The following CRB1 variants were observed in gnomAD, a reference collection of about 807,000 sequenced individuals.
The protein encoded by CRB1 is crumbs cell polarity complex component 1.
In CRB1, 83 loss-of-function variants were observed where a neutral mutation model predicts 120.0. The ratio of observed to expected loss-of-function variants is 0.69; its 90% CI spans 0.58 to 0.83. The LOEUF (loss-of-function observed/expected upper bound fraction) is 0.83, where lower values mean the gene tolerates loss of function less well. Among genes scored for constraint, CRB1 ranks in the 40% least tolerant of loss-of-function variants. The pLI, the probability that CRB1 is intolerant of heterozygous loss-of-function variation, is 0.00. For missense variants in CRB1, 1,699 were observed against 1,687.6 expected (o/e 1.01, Z -0.12); for synonymous variants, 625 against 612.5 (o/e 1.02, Z -0.30).
At position 197,421,433 on chromosome 1, in the gene CRB1, G is replaced by T; in HGVS notation, c.1605G>T (p.Leu535=). ...GCAACAGGGATGTGTTTGTGAAGCT[G>T]GAGCTGCTAAGTGGCTACATTCACT... ...FRSNRDVFVK[L]ELLSGYIHLS... Residue 535 remains leucine (L), a synonymous_variant, in exon 6 of 12, where the codon CTG becomes CTT. Transcript: ENST00000367400. 6.2e-7 allele frequency: 1 copy of T among 1,614,202 alleles called. No individual in the cohort carries two copies. Among genetic ancestry groups the T allele is most frequent in the Non-Finnish European group, 8.5e-7 (1 of 1,180,042 alleles).
intron 6 of CRB1, among the ~76,000 whole-genome samples, chr1:197,424,526 C>T (rs1000555728): frequency 3.3e-5 from 5 of 152,086 alleles, no homozygotes; most frequent in Non-Finnish European, 7.4e-5. Context: ...ATATTTGCTT[C>T]TTTGTATTCC....
the CRB1 span, among the ~76,000 whole-genome samples, chr1:197,211,988 A>G: frequency 3.9e-5 from 6 of 152,218 alleles, no homozygotes; most frequent in East Asian, 7.7e-4. Context: ...TTAAGTAGAT[A>G]CTTCATGAAA....
rs1483720476 is a variant in CRB1 at position 197,347,438 on chromosome 1, G to A, written c.947G>A (p.Cys316Tyr). 2 of 1,614,058 alleles carry A rather than the reference G, an allele frequency of 1.2e-6. No homozygotes were observed. The highest frequency in any genetic ancestry group is 8.5e-7 in the Non-Finnish European group (1 of 1,180,032). Residue 316 changes from cysteine to tyrosine, a missense_variant, in exon 4 of 12, where the codon TGT becomes TAT. Physicochemically the swap from Cys to Tyr is radical, Grantham distance 194. Coordinates refer to ENST00000367400, the MANE Select transcript of CRB1 (RefSeq NM_201253.3). ...WSKPCHNNAT[C>Y]EDSVDNYTCH... Reference sequence around the variant, plus strand: ...AAACCTTGTCACAATAATGCTACATGTGAGGACAGTGTTGACAATTACACT... The same window carrying A: ...AAACCTTGTCACAATAATGCTACATATGAGGACAGTGTTGACAATTACACT...
chr1:197,389,751 T>C (rs932730400), intron 5 of CRB1, among the ~76,000 whole-genome samples: 1 of 152,130 alleles, frequency 6.6e-6, no homozygotes. Context: ...AGTTCATCAA[T>C]AGTTGTTTAA....
At chr1:197,465,233 A>G (rs954957791) in intron 11 of CRB1, among the ~76,000 whole-genome samples, 6 of 152,176 alleles carry the variant, frequency 3.9e-5, no homozygotes, top group African/African-American at 1.4e-4. Flanking sequence ...TTTTAAACTA[A>G]TAGGAAAATG....
chr1:197,439,147 T>A (rs1275656889), intron 10 of CRB1: 3 of 167,622 alleles, frequency 1.8e-5, no homozygotes, highest in African/African-American at 7.2e-5. Context: ...ATTCTTAAAA[T>A]GGAGTTGGTC....
chr1:197,409,406 A>G (rs956249091), intron 5 of CRB1, among the ~76,000 whole-genome samples: 1 of 152,012 alleles, frequency 6.6e-6, no homozygotes, highest in Non-Finnish European at 1.5e-5. Flanking sequence ...TATATTACAC[A>G]TTTTCTTGCA....
chr1:197,468,130 A>G (rs1369674718), intron 11 of CRB1, among the ~76,000 whole-genome samples: 2 of 152,164 alleles, frequency 1.3e-5, no homozygotes, highest in Non-Finnish European at 2.9e-5. Context: ...CAATTGGATC[A>G]TGGTGATTCC....
intron 5 of CRB1, among the ~76,000 whole-genome samples, chr1:197,396,823 A>G (rs1402560001): frequency 6.6e-6 from 1 of 152,194 alleles, no homozygotes; most frequent in Non-Finnish European, 1.5e-5. Context: ...TAACTCCATT[A>G]AAACTCAGAT....
chr1:197,277,319 T>C (rs1486742664), intron 1 of CRB1, among the ~76,000 whole-genome samples: 2 of 151,990 alleles, frequency 1.3e-5, no homozygotes, highest in African/African-American at 4.8e-5. Context: ...TGGATGACTC[T>C]TTTCTCTACA....
intron 8 of CRB1, 125 bp downstream of exon 8, chr1:197,429,739 C>T: frequency 9.7e-7 from 1 of 1,028,768 alleles, no homozygotes; most frequent in Non-Finnish European, 1.4e-6. Context: ...GTTGTTTCCC[C>T]TATGCGAGTA....
chr1:197,434,729 G>A lies in CRB1; in HGVS notation c.2866G>A (p.Gly956Arg), dbSNP rs867256644. ...AGGTATTGCAAATGCTGTTTTTAATGGACAAAGCGGTCAAATATTATTCAG... is the reference window on the plus strand; with the variant it reads ...AGGTATTGCAAATGCTGTTTTTAATAGACAAAGCGGTCAAATATTATTCAG... ...FECIANAVFN[G>R]QSGQILFRSN... Residue 956 changes from glycine to arginine, a missense_variant, in exon 9 of 12, where the codon GGA (glycine) becomes AGA (arginine). Transcript: ENST00000367400. 2.5e-6 allele frequency: 4 copies of A among 1,613,138 alleles called. No individual in the cohort carries two copies. The highest frequency in any genetic ancestry group is 2.7e-5 in the African/African-American group (2 of 74,830).
At chr1:197,404,996 C>T (rs1663268179) in intron 5 of CRB1, among the ~76,000 whole-genome samples, 1 of 152,118 alleles carries the variant, frequency 6.6e-6, no homozygotes, top group South Asian at 2.1e-4. Context: ...GAGCTGCACA[C>T]CATACCTACG....
At chr1:197,247,648 A>C in the CRB1 span, among the ~76,000 whole-genome samples, 1 of 152,062 alleles carries the variant, frequency 6.6e-6, no homozygotes, top group Non-Finnish European at 1.5e-5. Context: ...CCCTGGTGGT[A>C]TCAACCACAG....
chr1:197,320,711 G>A (rs928739409), intron 1 of CRB1, among the ~76,000 whole-genome samples: 5 of 152,130 alleles, frequency 3.3e-5, no homozygotes, highest in African/African-American at 4.8e-5. Flanking sequence ...TCTACTCTAT[G>A]TTGTACACTA....
the CRB1 span, among the ~76,000 whole-genome samples, chr1:197,248,193 G>A: frequency 1.3e-5 from 2 of 151,900 alleles, no homozygotes; most frequent in Non-Finnish European, 2.9e-5. Flanking sequence ...TGAGTTCCGA[G>A]GTTTGTGATT....
chr1:197,229,752 C>G, the CRB1 span, among the ~76,000 whole-genome samples: 35 of 152,210 alleles, frequency 2.3e-4, no homozygotes, highest in Middle Eastern at 0.017. Context: ...ATAATGGTCT[C>G]CCTGCTGATT....
At chr1:197,453,835 T>G (rs1299058927) in intron 11 of CRB1, among the ~76,000 whole-genome samples, 2 of 142,744 alleles carry the variant, frequency 1.4e-5, no homozygotes, top group African/African-American at 2.6e-5. Flanking sequence ...ATTATTAATA[T>G]ATTATCAATA....
Position 197,478,408 on chromosome 1 carries a change from A to G in CRB1, c.*529A>G, listed in dbSNP as rs541584469. 7 of 161,330 alleles carry G rather than the reference A, an allele frequency of 4.3e-5. No individual in the cohort carries two copies. Among genetic ancestry groups the G allele is most frequent in the African/African-American group, 1.7e-4 (7 of 41,636 alleles). 10.0% of individuals were successfully genotyped at this position (161,330 alleles called of 1,614,324 possible). A position where few individuals can be genotyped will look rare whatever the true frequency, so the allele number is the denominator to read the frequency against. On this transcript the variant is annotated 3_prime_UTR_variant, in exon 12 of 12. Transcript: ENST00000367400. ...TCAGAGAAAGCTCTGGGAATGACTT[A>G]TGGTCCAAAAAAGTGACCCAATGGC... is the stretch of plus-strand genomic sequence containing the variant.
Sources: gnomAD v4.1 joint callset for allele counts (sites outside exome capture counted in the v4.1 genomes callset) on GRCh38, gnomAD v4.1.1 for gene constraint, MANE v1.5 for transcripts, NCBI Gene and HGNC (gene_info 2026-07-23, HGNC 2026-07-21) for gene names.